Variants in PHACTR3 observed in about 807,000 individuals in gnomAD.
PHACTR3 encodes the protein phosphatase and actin regulator 3.
Under a neutral mutation model 66.8 loss-of-function variants are expected in PHACTR3, and 16 were observed. That is an observed-to-expected ratio of 0.24 (90% confidence interval 0.16 to 0.36). PHACTR3 has a LOEUF of 0.36. Ranked by LOEUF, PHACTR3 falls within the 10% of genes least tolerant of loss-of-function variation. The probability of loss-of-function intolerance (pLI) is 1.00; values close to 1 mark genes in which losing one functional copy is unlikely to be tolerated. For synonymous variants in PHACTR3, 323 were observed against 292.1 expected, an observed-to-expected ratio of 1.11 and a Z score of -1.08; for missense variants, 647 against 719.9, an observed-to-expected ratio of 0.90 and a Z score of 1.16.
At chr20:59,584,244 G>A (rs991672064) in intron 1 of PHACTR3, among the ~76,000 whole-genome samples, 1 of 152,038 alleles carries the variant, frequency 6.6e-6, no homozygotes, top group African/African-American at 2.4e-5. Flanking sequence ...GTGTGTGCCT[G>A]ATTGTGTGTG....
chr20:59,730,839 C>T (rs2038736496), intron 1 of PHACTR3, among the ~76,000 whole-genome samples: 1 of 152,166 alleles, frequency 6.6e-6, no homozygotes. Flanking sequence ...ACTACAGCAG[C>T]AGAGCTGAGT....
chr20:59,715,360 A>C (rs2038056346), intron 1 of PHACTR3, among the ~76,000 whole-genome samples: 1 of 152,132 alleles, frequency 6.6e-6, no homozygotes. Context: ...ATCAAATGCT[A>C]TCTCTGTATT....
At chr20:59,771,543 C>A (rs898362037) in intron 5 of PHACTR3, among the ~76,000 whole-genome samples, 1 of 152,172 alleles carries the variant, frequency 6.6e-6, no homozygotes, top group South Asian at 2.1e-4. Flanking sequence ...TCCCCCCGAC[C>A]AGCCCAGTAC....
intron 1 of PHACTR3, among the ~76,000 whole-genome samples, chr20:59,580,423 AC>A (rs1169870646): frequency 6.6e-6 from 1 of 151,810 alleles, no homozygotes; most frequent in Non-Finnish European, 1.5e-5. Flanking sequence ...GGGAATCTTA[AC>A]TCTCACCCTT....
intron 1 of PHACTR3, among the ~76,000 whole-genome samples, chr20:59,578,288 GT>G (rs928631467): frequency 3.3e-5 from 5 of 152,224 alleles, no homozygotes; most frequent in Non-Finnish European, 5.9e-5. Flanking sequence ...CAAGGCTAGA[GT>G]TTTGCCTGTG....
intron 8 of PHACTR3, among the ~76,000 whole-genome samples, chr20:59,834,546 T>G (rs2042471555): frequency 6.6e-6 from 1 of 152,234 alleles, no homozygotes; most frequent in Non-Finnish European, 1.5e-5. Flanking sequence ...GTGGATTCTG[T>G]GTAACTCTCT....
At chr20:59,754,758 G>A (rs1369691856) in intron 3 of PHACTR3, among the ~76,000 whole-genome samples, 1 of 152,268 alleles carries the variant, frequency 6.6e-6, no homozygotes, top group East Asian at 1.9e-4. Flanking sequence ...AGGGAAACAG[G>A]AGGGACGAGC....
intron 1 of PHACTR3, among the ~76,000 whole-genome samples, chr20:59,660,368 C>T (rs949473110): frequency 6.6e-6 from 1 of 152,226 alleles, no homozygotes; most frequent in Non-Finnish European, 1.5e-5. Flanking sequence ...GTGGCGGATG[C>T]CTGTAGTCCC....
intron 8 of PHACTR3, among the ~76,000 whole-genome samples, chr20:59,828,746 C>T (rs573457458): frequency 7.9e-5 from 12 of 151,962 alleles, no homozygotes; most frequent in Non-Finnish European, 1.3e-4. Flanking sequence ...GAGGGGTCAC[C>T]GTAAACTGAA....
chr20:59,732,038 C>A (rs2038783626), intron 1 of PHACTR3, among the ~76,000 whole-genome samples: 1 of 152,168 alleles, frequency 6.6e-6, no homozygotes, highest in Non-Finnish European at 1.5e-5. Flanking sequence ...TCTGATAGGT[C>A]TGTTTAGGAA....
chr20:59,814,151 G>T (rs2041821383), intron 8 of PHACTR3, among the ~76,000 whole-genome samples: 1 of 152,204 alleles, frequency 6.6e-6, no homozygotes, highest in Admixed American at 6.5e-5. Flanking sequence ...AGGAGCGAGG[G>T]CATGTCTGGG....
intron 7 of PHACTR3, among the ~76,000 whole-genome samples, chr20:59,800,742 T>C (rs2041388291): frequency 6.6e-6 from 1 of 152,214 alleles, no homozygotes; most frequent in Non-Finnish European, 1.5e-5. Context: ...TTCTTGGGTG[T>C]TGGATGTTTT....
At chr20:59,773,203 G>C in intron 5 of PHACTR3, 76 bp from the exon 6 acceptor site, 2 of 1,500,280 alleles carry the variant, frequency 1.3e-6, no homozygotes, top group Non-Finnish European at 1.8e-6. Context: ...TTCCGCTCAT[G>C]GTCCCCAGTC....
rs138230891 is a variant in PHACTR3 at position 59,686,213 on chromosome 20, G to A, written c.119-56894G>A. ...GTTGGTTATTGAATGAGACTGAAGG[G>A]ATGAGAAGAGTGGCCAATAGCATGG... On this transcript the variant is annotated intron_variant, in intron 1 of 12. Transcript: ENST00000371015. Among the ~76,000 whole-genome samples the A allele has an allele frequency of 4.8e-3, 727 of 152,292 alleles. 3 individuals carry two copies. The highest frequency in any genetic ancestry group is 0.017 in the African/African-American group (698 of 41,568).
intron 1 of PHACTR3, among the ~76,000 whole-genome samples, chr20:59,666,332 C>A (rs1167656882): frequency 6.6e-6 from 1 of 152,188 alleles, no homozygotes; most frequent in Non-Finnish European, 1.5e-5. Flanking sequence ...TCCCACCCTG[C>A]CTAAACCAGG....
At chr20:59,728,604 A>G (rs543167549) in intron 1 of PHACTR3, among the ~76,000 whole-genome samples, 2 of 152,092 alleles carry the variant, frequency 1.3e-5, no homozygotes, top group African/African-American at 2.4e-5. Context: ...CTTAACTCCT[A>G]TTGATTTTTT....
intron 1 of PHACTR3, among the ~76,000 whole-genome samples, chr20:59,651,468 T>C (rs1162378636): frequency 6.6e-6 from 1 of 152,238 alleles, no homozygotes. Context: ...GCTAGCCATA[T>C]GAACCTTATG....
chr20:59,635,738 G>A (rs575378077), intron 1 of PHACTR3, among the ~76,000 whole-genome samples: 14 of 152,332 alleles, frequency 9.2e-5, no homozygotes, highest in Admixed American at 8.5e-4. Context: ...GCGCGTAAGA[G>A]GGGAGTCATA....
intron 3 of PHACTR3, among the ~76,000 whole-genome samples, chr20:59,750,062 G>C (rs145663291): frequency 1.3e-5 from 2 of 152,190 alleles, no homozygotes; most frequent in Non-Finnish European, 1.5e-5. Flanking sequence ...CAGGGTCTGT[G>C]CTAGCTGCTG....
Sources: gnomAD v4.1 joint callset for allele counts (sites outside exome capture counted in the v4.1 genomes callset) on GRCh38, gnomAD v4.1.1 for gene constraint, MANE v1.5 for transcripts, NCBI Gene and HGNC (gene_info 2026-07-23, HGNC 2026-07-21) for gene names.